FBN2: variants seen among roughly 807,000 people sequenced by gnomAD.
The protein encoded by FBN2 is fibrillin-2.
FBN2 carries 105 observed loss-of-function variants against 355.6 expected under a neutral mutation model. That is an observed-to-expected ratio of 0.30 (90% CI 0.25 to 0.35). The LOEUF (loss-of-function observed/expected upper bound fraction) is 0.35, where lower values mean the gene tolerates loss of function less well. Among genes scored for constraint, FBN2 ranks in the 10% least tolerant of loss-of-function variants. FBN2 has a pLI of 1.00. For missense variants in FBN2, 3,280 were observed against 3,758.7 expected (o/e 0.87, Z 3.33); for synonymous variants, 1,350 against 1,301.2 (o/e 1.04, Z -0.81).
intron 5 of FBN2, among the ~76,000 whole-genome samples, chr5:128,494,840 T>G (rs1271924285): frequency 6.6e-6 from 1 of 152,190 alleles, no homozygotes; most frequent in East Asian, 1.9e-4. Context: ...CAAAAGGTGC[T>G]GCAGTATCTT....
intron 5 of FBN2, among the ~76,000 whole-genome samples, chr5:128,506,307 T>C (rs1339140989): frequency 1.3e-5 from 2 of 152,142 alleles, no homozygotes; most frequent in African/African-American, 2.4e-5. Context: ...AATGAACATA[T>C]GTATTTCTTC....
At chr5:128,409,152 G>A (rs1404621995) in intron 7 of FBN2, among the ~76,000 whole-genome samples, 1 of 152,006 alleles carries the variant, frequency 6.6e-6, no homozygotes, top group Non-Finnish European at 1.5e-5. Flanking sequence ...ACACATACAT[G>A]GATTACATTT....
chr5:128,309,195 A>C, intron 41 of FBN2, 52 bp downstream of exon 41: 2 of 1,587,276 alleles, frequency 1.3e-6, no homozygotes, highest in Non-Finnish European at 1.7e-6. Flanking sequence ...TGTTAGATAT[A>C]TGCGTGTATC....
At chr5:128,275,341 T>G (rs1257120045) in intron 59 of FBN2, among the ~76,000 whole-genome samples, 1 of 151,570 alleles carries the variant, frequency 6.6e-6, no homozygotes, top group Non-Finnish European at 1.5e-5. Context: ...TCATACTCAT[T>G]TTTTTTTGAT....
At chr5:128,339,336 A>AG (rs374472924) in intron 25 of FBN2, 5 of 398,010 alleles carry the variant, frequency 1.3e-5, no homozygotes, top group African/African-American at 1.0e-4. Context: ...GTAACAGAAA[A>AG]GGGGGGCATG....
chr5:128,490,721 C>A (rs1194093091), intron 5 of FBN2, among the ~76,000 whole-genome samples: 1 of 152,098 alleles, frequency 6.6e-6, no homozygotes, highest in Non-Finnish European at 1.5e-5. Flanking sequence ...AAGTGTTTGG[C>A]ACATGGCACA....
intron 64 of FBN2, among the ~76,000 whole-genome samples, chr5:128,260,231 G>T (rs1000121494): frequency 6.6e-6 from 1 of 151,880 alleles, no homozygotes; most frequent in Non-Finnish European, 1.5e-5. Context: ...AAGTACTGCT[G>T]TTGGGCATCA....
chr5:128,437,819 T>TAGATAGACAGAC (rs758049803), intron 7 of FBN2, among the ~76,000 whole-genome samples: 32 of 108,078 alleles, frequency 3.0e-4, no homozygotes, highest in East Asian at 2.8e-3. Context: ...GATAGATAGA[T>TAGATAGACAGAC]AGACAGACAG....
chr5:128,359,041 A>G (rs1477363075), intron 19 of FBN2, among the ~76,000 whole-genome samples: 1 of 152,070 alleles, frequency 6.6e-6, no homozygotes, highest in Non-Finnish European at 1.5e-5. Flanking sequence ...ACATTTAACT[A>G]GTTATGTCAC....
intron 6 of FBN2, among the ~76,000 whole-genome samples, chr5:128,458,791 C>G (rs1242554217): frequency 6.6e-6 from 1 of 152,110 alleles, no homozygotes; most frequent in South Asian, 2.1e-4. Flanking sequence ...TGGGACACAG[C>G]TAAAGCAGTG....
intron 11 of FBN2, among the ~76,000 whole-genome samples, chr5:128,384,118 T>C (rs1752307641): frequency 6.6e-6 from 1 of 152,074 alleles, no homozygotes; most frequent in Non-Finnish European, 1.5e-5. Context: ...AAGAAATAAA[T>C]GATTTTTCCC....
intron 5 of FBN2, among the ~76,000 whole-genome samples, chr5:128,501,926 G>A (rs866886892): frequency 3.9e-5 from 6 of 152,014 alleles, no homozygotes; most frequent in Admixed American, 1.3e-4. Context: ...AAAATGACTC[G>A]AAGACACAAC....
Position 128,392,098 on chromosome 5 carries a change from C to T in FBN2, c.1523G>A (p.Gly508Glu). The change falls in exon 11 of 65, where the codon GGA (glycine) becomes GAA (glutamate). Residue 508 changes from glycine to glutamate, a missense_variant. Gly to Glu is a moderately conservative substitution (Grantham distance 98, BLOSUM62 -2). This residue lies in a region of FBN2 where 2,284 missense variants were observed against 2,749.5 expected (regional missense o/e 0.83). Transcript: ENST00000262464. ...CKHHANLCLNGRCIPTVSSYR... is the reference protein window; with the variant it reads ...CKHHANLCLNERCIPTVSSYR... The stretch of plus-strand genomic sequence containing the variant: ...GCTTGAGACAGTTGGTATACAGCGT[C>T]CATTTAAACAAAGGTTAGCATGATG... 6.2e-7 allele frequency: 1 copy of T among 1,613,410 alleles called. No homozygotes were observed. The highest frequency in any genetic ancestry group is 8.5e-7 in the Non-Finnish European group (1 of 1,179,468).
chr5:128,398,248 A>G (rs781770451), intron 8 of FBN2, among the ~76,000 whole-genome samples: 1 of 152,098 alleles, frequency 6.6e-6, no homozygotes, highest in Non-Finnish European at 1.5e-5. Flanking sequence ...TAGAAAAAAG[A>G]GCTGCTAACA....
chr5:128,304,982 A>G lies in FBN2; in HGVS notation c.5775T>C (p.Ala1925=), dbSNP rs2126838092. Residue 1925 remains alanine, a synonymous_variant, in exon 45 of 65, where the codon GCT becomes GCC. Transcript: ENST00000262464. The part of the protein sequence containing the change: ...YQCICHNGFK[A]SQDQTMCMDV... ...CCATGCACATGGTCTGGTCCTGAGA[A>G]GCCTTAAAGCCATTGTGGCAGATGC... 6.2e-7 allele frequency: 1 copy of G among 1,614,000 alleles called. No homozygotes were observed. Among genetic ancestry groups the G allele is most frequent in the African/African-American group, 1.3e-5 (1 of 75,012 alleles).
At chr5:128,504,931 A>G (rs6595832) in intron 5 of FBN2, among the ~76,000 whole-genome samples, 105,868 of 152,058 alleles carry the variant, frequency 0.7, 39,006 homozygotes, top group African/African-American at 0.93. Flanking sequence ...AGTCAACAGC[A>G]GGGCTAGGTG....
At chr5:128,445,217 G>A (rs528606601) in intron 7 of FBN2, among the ~76,000 whole-genome samples, 1 of 152,196 alleles carries the variant, frequency 6.6e-6, no homozygotes, top group South Asian at 2.1e-4. Context: ...AATTTATTTG[G>A]TCCTTAAAAT....
rs979017345 is a variant in FBN2 at position 128,257,989 on chromosome 5, T to C, written c.*1466A>G. ...CAAAAACAAACAAAACCAAAAACCATAAGTTTTTCCTCACAAACTCTTGAT... is the reference window on the plus strand; with the variant it reads ...CAAAAACAAACAAAACCAAAAACCACAAGTTTTTCCTCACAAACTCTTGAT... On this transcript the variant is annotated 3_prime_UTR_variant, in exon 65 of 65. Transcript: ENST00000262464. 2.0e-5 allele frequency: 3 copies of C among 152,412 alleles called. No individual in the cohort carries two copies. The highest frequency in any genetic ancestry group is 4.4e-5 in the Non-Finnish European group (3 of 68,014). 9.4% of individuals were successfully genotyped at this position (152,412 alleles called of 1,614,324 possible). A position where few individuals can be genotyped will look rare whatever the true frequency, so the allele number is the denominator to read the frequency against.
At chr5:128,294,718 A>T (rs564386246) in intron 48 of FBN2, among the ~76,000 whole-genome samples, 1 of 150,474 alleles carries the variant, frequency 6.6e-6, no homozygotes, top group Admixed American at 6.6e-5. Flanking sequence ...GTTTGAGTTC[A>T]TTGTAGATTC....
Sources: gnomAD v4.1 joint callset for allele counts (sites outside exome capture counted in the v4.1 genomes callset) on GRCh38, gnomAD v4.1.1 for gene constraint, gnomAD v4.1.1 regional missense constraint, MANE v1.5 for transcripts, NCBI Gene and HGNC (gene_info 2026-07-23, HGNC 2026-07-21) for gene names.